METTL15: variants seen among roughly 807,000 people sequenced by gnomAD.
METTL15 encodes methyltransferase 15, mitochondrial 12S rRNA N4-cytidine.
A neutral mutation model predicts 38.3 loss-of-function variants in METTL15; 34 were observed. That is an observed-to-expected ratio of 0.89 (90% CI 0.68 to 1.18). The LOEUF (loss-of-function observed/expected upper bound fraction) is 1.18, where lower values mean the gene tolerates loss of function less well. Ranked by LOEUF, METTL15 falls within the 50% of genes most tolerant of loss-of-function variation. The pLI is 0.00. For synonymous variants in METTL15, 162 were observed against 170.9 expected (o/e 0.95, Z 0.41); for missense variants, 438 against 498.4 (o/e 0.88, Z 1.15).
intron 3 of METTL15, among the ~76,000 whole-genome samples, chr11:28,131,503 T>C: frequency 1.2e-5 from 1 of 80,860 alleles, no homozygotes; most frequent in South Asian, 2.7e-4. Flanking sequence ...TTCCAAGCAT[T>C]TTTTTTTTTT....
chr11:28,153,802 A>G (rs990154664), intron 3 of METTL15, among the ~76,000 whole-genome samples: 10 of 152,118 alleles, frequency 6.6e-5, no homozygotes, highest in African/African-American at 2.2e-4. Flanking sequence ...TAAGGTCCCA[A>G]TTTAGCATTC....
At chr11:28,493,435 A>G (rs986902627) in intron 6 of METTL15, among the ~76,000 whole-genome samples, 2 of 152,170 alleles carry the variant, frequency 1.3e-5, no homozygotes, top group Admixed American at 6.5e-5. Context: ...CTGACATTTT[A>G]TGAGTCAACA....
At chr11:28,369,414 C>G (rs2133373987) in intron 5 of METTL15, among the ~76,000 whole-genome samples, 1 of 151,964 alleles carries the variant, frequency 6.6e-6, no homozygotes, top group South Asian at 2.1e-4. Context: ...CCCAAATATT[C>G]AAATATATAT....
intron 6 of METTL15, among the ~76,000 whole-genome samples, chr11:28,449,221 C>T (rs7936684): frequency 0.99 from 151,033 of 152,282 alleles, 74,914 homozygotes; most frequent in Middle Eastern, 1. Flanking sequence ...TAGTGCAGGG[C>T]TGATTTGTAA....
At chr11:28,382,496 A>C (rs888025935) in intron 5 of METTL15, among the ~76,000 whole-genome samples, 22 of 152,094 alleles carry the variant, frequency 1.4e-4, no homozygotes. Context: ...GAAATTTACC[A>C]TGTGCTTGTT....
At chr11:28,304,097 G>A (rs1391413329) in intron 6 of METTL15, among the ~76,000 whole-genome samples, 1 of 151,988 alleles carries the variant, frequency 6.6e-6, no homozygotes, top group Non-Finnish European at 1.5e-5. Flanking sequence ...TGTATTCAGA[G>A]CTAAGGTAAT....
intron 5 of METTL15, among the ~76,000 whole-genome samples, chr11:28,393,299 G>C (rs1261130346): frequency 6.6e-6 from 1 of 152,068 alleles, no homozygotes; most frequent in African/African-American, 2.4e-5. Context: ...TAAATGAATG[G>C]ATAAAGAAAA....
At chr11:28,295,894 G>GT (rs1349046284) in intron 5 of METTL15, among the ~76,000 whole-genome samples, 1 of 152,064 alleles carries the variant, frequency 6.6e-6, no homozygotes, top group East Asian at 1.9e-4. Context: ...CATATTAACT[G>GT]TAAGAGCAGT....
At chr11:28,391,735 A>G (rs1850510710) in intron 5 of METTL15, among the ~76,000 whole-genome samples, 1 of 152,174 alleles carries the variant, frequency 6.6e-6, no homozygotes, top group Admixed American at 6.5e-5. Context: ...TATTTAATAA[A>G]TGGTGCTGGG....
chr11:28,441,074 TGTAGGA>T (rs1851031039), intron 6 of METTL15, among the ~76,000 whole-genome samples: 1 of 142,152 alleles, frequency 7.0e-6, no homozygotes, highest in African/African-American at 2.6e-5. Context: ...TTTTTTTTTT[TGTAGGA>T]TTTATATAAT....
intron 5 of METTL15, among the ~76,000 whole-genome samples, chr11:28,383,241 G>C (rs750468564): frequency 6.6e-6 from 1 of 152,056 alleles, no homozygotes; most frequent in African/African-American, 2.4e-5. Context: ...TACTATGTTA[G>C]TTTGCTCAGA....
intron 6 of METTL15, among the ~76,000 whole-genome samples, chr11:28,496,768 G>A (rs1488671685): frequency 6.6e-6 from 1 of 152,170 alleles, no homozygotes; most frequent in East Asian, 1.9e-4. Context: ...CTGACTCTAG[G>A]CAGCCTTTAA....
chr11:28,131,260 A>C (rs1230734986), intron 3 of METTL15, among the ~76,000 whole-genome samples: 1 of 152,172 alleles, frequency 6.6e-6, no homozygotes, highest in Admixed American at 6.5e-5. Flanking sequence ...AGTTTCAAGT[A>C]CGTTCCTGAA....
intron 6 of METTL15, among the ~76,000 whole-genome samples, chr11:28,460,848 G>A (rs1851207831): frequency 6.6e-6 from 1 of 152,028 alleles, no homozygotes; most frequent in Non-Finnish European, 1.5e-5. Context: ...CTCTAAAGTA[G>A]GAGGATCCTC....
At chr11:28,405,532 A>G (rs1445556685) in intron 5 of METTL15, among the ~76,000 whole-genome samples, 3 of 152,148 alleles carry the variant, frequency 2.0e-5, no homozygotes, top group Non-Finnish European at 4.4e-5. Flanking sequence ...TTGTGGTCAA[A>G]TAAATCTGGA....
In METTL15 at chr11:28,423,068, A is replaced by G. The variant is rs1850834938; in HGVS notation, c.*359-1231A>G. On this transcript the variant is annotated intron_variant and NMD_transcript_variant, in intron 5 of 7. Coordinates refer to the METTL15 transcript ENST00000532947. Reference sequence around the variant, plus strand: ...ATGAATAGACATTTCTTAAAAGAAGACATACAAATGGCAAACAGGTATATA... The same window carrying G: ...ATGAATAGACATTTCTTAAAAGAAGGCATACAAATGGCAAACAGGTATATA... Among the ~76,000 whole-genome samples, 6 of 152,048 alleles carry G rather than the reference A, an allele frequency of 3.9e-5. No homozygotes were observed. The South Asian group carries it at 1.0e-3, about 26-fold the overall frequency.
chr11:28,122,026 T>C, intron 3 of METTL15: 1 of 544,306 alleles, frequency 1.8e-6, no homozygotes, highest in Non-Finnish European at 2.5e-6. Flanking sequence ...TTTGATCATT[T>C]AATAAATTGT....
chr11:28,471,772 C>T (rs1370932778), intron 6 of METTL15, among the ~76,000 whole-genome samples: 1 of 151,718 alleles, frequency 6.6e-6, no homozygotes, highest in Non-Finnish European at 1.5e-5. Context: ...AAAAAGTTTC[C>T]AGCTGGTAGA....
At chr11:28,128,923 T>C (rs143701090) in intron 3 of METTL15, among the ~76,000 whole-genome samples, 106 of 152,346 alleles carry the variant, frequency 7.0e-4, no homozygotes, top group African/African-American at 2.3e-3. Context: ...AATTAGCCTT[T>C]GATGGTTTTC....
Sources: allele counts gnomAD v4.1 joint callset (sites outside exome capture counted in the v4.1 genomes callset), GRCh38; gene constraint gnomAD v4.1.1; transcripts MANE v1.5; gene names NCBI Gene and HGNC (gene_info 2026-07-23, HGNC 2026-07-21).